Variants in MACROD2 observed in about 807,000 individuals in gnomAD.
The protein encoded by MACROD2 is ADP-ribose glycohydrolase MACROD2.
A neutral mutation model predicts 70.4 loss-of-function variants in MACROD2; 36 were observed. The observed-to-expected ratio is 0.51, with a 90% CI of 0.39 to 0.68. The LOEUF is 0.68. MACROD2 is among the 30% of genes least tolerant of loss of function. MACROD2 has a pLI of 0.00. For missense variants in MACROD2, 496 were observed against 538.4 expected, an observed-to-expected ratio of 0.92 and a Z score of 0.78; for synonymous variants, 172 against 178.8, an observed-to-expected ratio of 0.96 and a Z score of 0.30.
chr20:15,790,384 T>C (rs985373162), intron 8 of MACROD2, among the ~76,000 whole-genome samples: 1 of 151,976 alleles, frequency 6.6e-6, no homozygotes, highest in Non-Finnish European at 1.5e-5. Flanking sequence ...AAATAGCACA[T>C]GTAATTCAAT....
intron 8 of MACROD2, among the ~76,000 whole-genome samples, chr20:15,785,411 C>T (rs1316643137): frequency 3.3e-5 from 5 of 152,084 alleles, no homozygotes; most frequent in Non-Finnish European, 5.9e-5. Flanking sequence ...ATTCCCTCTC[C>T]CCCAACAACA....
chr20:14,587,596 G>T (rs1275649176), intron 4 of MACROD2, among the ~76,000 whole-genome samples: 1 of 151,694 alleles, frequency 6.6e-6, no homozygotes. Flanking sequence ...ATGCAGAGGA[G>T]AAATGATTGT....
At chr20:14,837,478 A>G (rs1285631867) in intron 5 of MACROD2, among the ~76,000 whole-genome samples, 3 of 152,064 alleles carry the variant, frequency 2.0e-5, no homozygotes, top group African/African-American at 4.8e-5. Context: ...TGGATATGTA[A>G]CAAAGCTTCA....
intron 3 of MACROD2, among the ~76,000 whole-genome samples, chr20:14,485,626 A>T (rs569549708): frequency 8.2e-6 from 1 of 121,448 alleles, no homozygotes; most frequent in African/African-American, 3.1e-5. Context: ...ACGTGAACCC[A>T]GGAGGCGGAG....
chr20:14,033,092 T>C (rs1163188459), intron 2 of MACROD2, among the ~76,000 whole-genome samples: 1 of 151,280 alleles, frequency 6.6e-6, no homozygotes, highest in Non-Finnish European at 1.5e-5. Context: ...TTTCTTTTTT[T>C]TTTTTTTTTA....
intron 3 of MACROD2, among the ~76,000 whole-genome samples, chr20:14,469,372 G>A (rs770139903): frequency 4.0e-5 from 6 of 151,664 alleles, no homozygotes; most frequent in African/African-American, 9.7e-5. Flanking sequence ...TTTTTCCTTC[G>A]TTTCAACCTT....
chr20:15,082,485 G>A (rs1273948409), intron 5 of MACROD2, among the ~76,000 whole-genome samples: 10 of 145,372 alleles, frequency 6.9e-5, no homozygotes, highest in Non-Finnish European at 1.2e-4. Flanking sequence ...CCTTGAGTCA[G>A]TGAAATGTTC....
intron 5 of MACROD2, among the ~76,000 whole-genome samples, chr20:14,930,161 C>CAA (rs61532850): frequency 9.4e-6 from 1 of 106,432 alleles, no homozygotes; most frequent in African/African-American, 3.4e-5. Flanking sequence ...GACTCCGTCT[C>CAA]AAAAAAAAAA....
At chr20:15,811,051 C>G (rs1255898091) in intron 8 of MACROD2, among the ~76,000 whole-genome samples, 2 of 150,766 alleles carry the variant, frequency 1.3e-5, no homozygotes, top group Admixed American at 6.6e-5. Context: ...TCTAAAACAC[C>G]AAAAGCAATG....
intron 8 of MACROD2, among the ~76,000 whole-genome samples, chr20:15,629,617 A>C (rs1383462570): frequency 2.0e-5 from 3 of 152,206 alleles, no homozygotes; most frequent in Non-Finnish European, 2.9e-5. Context: ...ATATGTTCTT[A>C]TGTAGAAATA....
chr20:14,662,747 C>T (rs1382137675), intron 4 of MACROD2, among the ~76,000 whole-genome samples: 4 of 151,538 alleles, frequency 2.6e-5, no homozygotes, highest in Non-Finnish European at 5.9e-5. Flanking sequence ...CTCAACAATA[C>T]TGATCATTAG....
At chr20:14,169,689 G>T (rs2081202770) in intron 3 of MACROD2, among the ~76,000 whole-genome samples, 1 of 152,002 alleles carries the variant, frequency 6.6e-6, no homozygotes. Context: ...AGTAGTGCAG[G>T]TATTCCCAAT....
chr20:16,023,473 C>CAAAAAAAAAAAAAAA (rs60347463), intron 15 of MACROD2, among the ~76,000 whole-genome samples: 1 of 71,462 alleles, frequency 1.4e-5, no homozygotes, highest in African/African-American at 5.4e-5. Flanking sequence ...GACTCCATCT[C>CAAAAAAAAAAAAAAA]AAAAAAAAAA....
At chr20:15,955,347 A>G (rs2065961701) in intron 12 of MACROD2, among the ~76,000 whole-genome samples, 1 of 152,072 alleles carries the variant, frequency 6.6e-6, no homozygotes, top group Admixed American at 6.6e-5. Flanking sequence ...ATAAAGCAAA[A>G]ATTTTCAACC....
intron 8 of MACROD2, among the ~76,000 whole-genome samples, chr20:15,839,038 T>G (rs1034752951): frequency 3.9e-5 from 6 of 152,174 alleles, no homozygotes; most frequent in African/African-American, 1.4e-4. Context: ...TTGCCCAAAT[T>G]ATTTCCTGTT....
At chr20:14,297,830 C>T (rs182399280) in intron 3 of MACROD2, among the ~76,000 whole-genome samples, 9 of 151,990 alleles carry the variant, frequency 5.9e-5, no homozygotes, top group Non-Finnish European at 1.2e-4. Context: ...AAGAAGCTGC[C>T]ATCTAGGACT....
chr20:15,063,168 C>T (rs1297753279), intron 5 of MACROD2, among the ~76,000 whole-genome samples: 1 of 152,142 alleles, frequency 6.6e-6, no homozygotes, highest in East Asian at 1.9e-4. Flanking sequence ...GGGCCATGAA[C>T]CATGATACGC....
chr20:15,002,581 T>A (rs1051769326), intron 5 of MACROD2, among the ~76,000 whole-genome samples: 76 of 152,272 alleles, frequency 5.0e-4, no homozygotes, highest in African/African-American at 1.8e-3. Flanking sequence ...CAGCCTGATA[T>A]TAAACACAGG....
chr20:15,995,925 G>T (rs6080079), intron 15 of MACROD2, among the ~76,000 whole-genome samples: 2 of 151,694 alleles, frequency 1.3e-5, no homozygotes, highest in African/African-American at 4.8e-5. Context: ...TGGGCACTTA[G>T]GTTGTTTCTG....
Sources: gnomAD v4.1 joint callset for allele counts (sites outside exome capture counted in the v4.1 genomes callset) on GRCh38, gnomAD v4.1.1 for gene constraint, MANE v1.5 for transcripts, NCBI Gene and HGNC (gene_info 2026-07-23, HGNC 2026-07-21) for gene names.